Variants in HMGXB4 observed in about 807,000 individuals in gnomAD.
The protein encoded by HMGXB4 is HMG domain-containing protein 4.
A neutral mutation model predicts 63.9 loss-of-function variants in HMGXB4; 27 were observed. That is an observed-to-expected ratio of 0.42 (90% CI 0.31 to 0.58). HMGXB4 has a LOEUF of 0.58. Among genes scored for constraint, HMGXB4 ranks in the 20% least tolerant of loss-of-function variants. The probability of loss-of-function intolerance (pLI) is 0.13; values close to 1 mark genes in which losing one functional copy is unlikely to be tolerated. For synonymous variants in HMGXB4, 264 were observed against 265.3 expected (o/e 0.99, Z 0.05); for missense variants, 624 against 700.7 (o/e 0.89, Z 1.24).
chr22:35,244,433 A>G, the HMGXB4 span, among the ~76,000 whole-genome samples: 10 of 152,102 alleles, frequency 6.6e-5, no homozygotes, highest in African/African-American at 2.4e-4. Context: ...CATCTAATTA[A>G]GAATAAATAG....
intron 6 of HMGXB4, among the ~76,000 whole-genome samples, 195 bp from the exon 7 acceptor site, chr22:35,285,802 G>A (rs907187482): frequency 2.6e-5 from 4 of 152,182 alleles, no homozygotes; most frequent in African/African-American, 9.7e-5. Flanking sequence ...ACTGTCTCCT[G>A]ACCATCAAAA....
rs929128295 is a variant in HMGXB4, at chr22:35,295,382, T to C, written c.*1731T>C. The C allele has an allele frequency of 1.3e-5, 2 of 152,670 alleles. No homozygotes were observed. The highest frequency in any genetic ancestry group is 2.9e-5 in the Non-Finnish European group (2 of 68,044). The allele number at this position is 152,670 out of a possible 1,614,324, so 9.5% of individuals were successfully genotyped here. ...GAGGAACAGAAATCTTAACTTGATT[T>C]CATGTGTTAGAACATTGTACCATGC... On this transcript the variant is annotated 3_prime_UTR_variant, in exon 11 of 11. Coordinates refer to ENST00000216106, the MANE Select transcript of HMGXB4 (RefSeq NM_001003681.3).
upstream of HMGXB4, among the ~76,000 whole-genome samples, chr22:35,255,206 C>T (rs1922338970): frequency 6.6e-6 from 1 of 152,094 alleles, no homozygotes; most frequent in East Asian, 1.9e-4. Flanking sequence ...GAAAAAGAAA[C>T]TCCTTCCAGG....
chr22:35,293,369 G>C (rs1925043048), intron 10 of HMGXB4, among the ~76,000 whole-genome samples: 1 of 152,220 alleles, frequency 6.6e-6, no homozygotes, highest in African/African-American at 2.4e-5. Context: ...TGTGTTTCCT[G>C]TTTGCTATTC....
intron 4 of HMGXB4, 90 bp from the exon 5 acceptor site, chr22:35,264,558 T>G (rs1405014081): frequency 1.2e-6 from 1 of 854,256 alleles, no homozygotes; most frequent in Non-Finnish European, 1.8e-6. Context: ...AGCCTCTTTC[T>G]CATGTTAGCT....
At chr22:35,262,496 C>G in intron 2 of HMGXB4, 75 bp downstream of exon 2, 1 of 1,430,248 alleles carries the variant, frequency 7.0e-7, no homozygotes, top group Non-Finnish European at 9.9e-7. Flanking sequence ...GATATAGAGA[C>G]CAGGACTGGG....
chr22:35,263,740 T>C (rs1601625345), intron 3 of HMGXB4, 56 bp from the exon 4 acceptor site: 3 of 1,230,542 alleles, frequency 2.4e-6, no homozygotes, highest in East Asian at 4.7e-5. Context: ...CAAGAGTGGT[T>C]ACAAACTGCA....
At chr22:35,279,042 G>C (rs1271700222) in intron 5 of HMGXB4, among the ~76,000 whole-genome samples, 1 of 147,662 alleles carries the variant, frequency 6.8e-6, no homozygotes, top group Non-Finnish European at 1.5e-5. Context: ...GTGAGATCTT[G>C]TCTTAAAAGA....
At chr22:35,255,934 G>A (rs2146385942), upstream of HMGXB4, among the ~76,000 whole-genome samples, 1 of 152,366 alleles carries the variant, frequency 6.6e-6, no homozygotes, top group South Asian at 2.1e-4. Flanking sequence ...TTGGTGAGTA[G>A]GATGGGAGCT....
In HMGXB4 at chr22:35,263,185, A is replaced by G. The variant is rs1462650365; in HGVS notation, c.139A>G (p.Ile47Val). 22 of 1,614,090 alleles carry G rather than the reference A, an allele frequency of 1.4e-5. No homozygotes were observed. The highest frequency in any genetic ancestry group is 1.9e-5 in the Non-Finnish European group (22 of 1,179,966). The change falls in exon 3 of 11, where the codon ATT becomes GTT. Residue 47 changes from isoleucine to valine, a missense_variant. Ile to Val is a conservative substitution (Grantham distance 29). This residue lies in a region of HMGXB4 where 472 missense variants were observed against 470.6 expected (regional missense o/e 1.00). Transcript: ENST00000216106. ...YKDFLREEEE[I>V]AAQVRNSSKK... is the part of the protein sequence containing the mutation. ...AGATTTTTTAAGGGAAGAGGAAGAA[A>G]TTGCTGCTCAGGTCAGGAATTCTTC...
Position 35,264,841 on chromosome 22 carries a change from A to T in HMGXB4, c.453A>T (p.Lys151Asn). ...SESKKEHHRKKVSGSSGELPL... is the reference protein window; with the variant it reads ...SESKKEHHRKNVSGSSGELPL... ...GTAAAAAGGAGCACCACAGGAAGAA[A>T]GTCAGTGGAAGCAGTGGGGAACTAC... The change falls in exon 5 of 11, where the codon AAA (lysine) becomes AAT (asparagine). Residue 151 changes from lysine to asparagine, a missense_variant. By Grantham distance (94) the Lys-to-Asn change is moderately conservative. Transcript: ENST00000216106. 1 of 1,614,076 alleles carries T rather than the reference A, an allele frequency of 6.2e-7. No homozygotes were observed. The highest frequency in any genetic ancestry group is 8.5e-7 in the Non-Finnish European group (1 of 1,179,984).
chr22:35,252,351 C>T, the HMGXB4 span, among the ~76,000 whole-genome samples: 1 of 152,344 alleles, frequency 6.6e-6, no homozygotes, highest in South Asian at 2.1e-4. Context: ...AAACTTTACA[C>T]CCACTGGACA....
In HMGXB4 at chr22:35,280,797, C is replaced by G. The variant is rs570901936; in HGVS notation, c.1216-3165C>G. On this transcript the variant is annotated intron_variant, in intron 5 of 10. Transcript: ENST00000216106. ...TGTGCCCCCATGTTGTTTCCTCTGC[C>G]TAGAACACTCTTAACCACCCTTCAT... Among the ~76,000 whole-genome samples, 29 of 152,264 alleles carry G rather than the reference C, an allele frequency of 1.9e-4. 1 individual carries two copies. The East Asian group carries it at 5.2e-3, about 27-fold the overall frequency.
In HMGXB4 at chr22:35,263,870, T is replaced by C. The variant is rs1444610449; in HGVS notation, c.255T>C (p.Tyr85=). 1.2e-6 allele frequency: 2 copies of C among 1,613,092 alleles called. No individual in the cohort carries two copies. Among genetic ancestry groups the C allele is most frequent in the South Asian group, 1.1e-5 (1 of 91,056 alleles). ...AGCACTCCTCTGATGATTACTACTA[T>C]GGAGGTGAGGATGGGAATGGGCAAC... is the stretch of plus-strand genomic sequence containing the variant. The part of the protein sequence containing the change: ...KRKHSSDDYY[Y]GDISSLESSQ... The change falls in exon 4 of 11, where the codon TAT becomes TAC. Residue 85 remains tyrosine (Y), a synonymous_variant. Coordinates refer to ENST00000216106, the MANE Select transcript of HMGXB4 (RefSeq NM_001003681.3).
chr22:35,251,985 C>T, the HMGXB4 span, among the ~76,000 whole-genome samples: 8 of 152,226 alleles, frequency 5.3e-5, no homozygotes, highest in South Asian at 1.0e-3. Flanking sequence ...GAAGCCAAGG[C>T]GGGTGGATCA....
chr22:35,267,331 C>T (rs1314198569), intron 5 of HMGXB4, among the ~76,000 whole-genome samples: 4 of 152,006 alleles, frequency 2.6e-5, no homozygotes, highest in Admixed American at 2.6e-4. Context: ...ATGAAATAAA[C>T]ACTATGTGTT....
At chr22:35,273,532 C>T (rs181489859) in intron 5 of HMGXB4, among the ~76,000 whole-genome samples, 14 of 152,256 alleles carry the variant, frequency 9.2e-5, no homozygotes, top group African/African-American at 3.4e-4. Flanking sequence ...TCAGCTGTTA[C>T]AGTTACTTTC....
At chr22:35,274,703 G>A (rs187792809) in intron 5 of HMGXB4, among the ~76,000 whole-genome samples, 1 of 152,362 alleles carries the variant, frequency 6.6e-6, no homozygotes, top group East Asian at 1.9e-4. Context: ...TATACAGAAA[G>A]TGGTTAAATT....
chr22:35,241,855 G>T, the HMGXB4 span, among the ~76,000 whole-genome samples: 27 of 152,282 alleles, frequency 1.8e-4, no homozygotes, highest in South Asian at 4.3e-3. Flanking sequence ...GTTTGTTCTT[G>T]CAGTCGACCT....
Sources: gnomAD v4.1 joint callset for allele counts (sites outside exome capture counted in the v4.1 genomes callset) on GRCh38, gnomAD v4.1.1 for gene constraint, gnomAD v4.1.1 regional missense constraint, MANE v1.5 for transcripts, NCBI Gene and HGNC (gene_info 2026-07-23, HGNC 2026-07-21) for gene names.